Variants in CREBBP observed in about 807,000 individuals in gnomAD.
CREBBP encodes the protein CREB binding lysine acetyltransferase.
Under a neutral mutation model 265.0 loss-of-function variants are expected in CREBBP, and 19 were observed. The ratio of observed to expected loss-of-function variants is 0.07; its 90% CI spans 0.05 to 0.11. CREBBP has a LOEUF of 0.11. CREBBP is among the 10% of genes least tolerant of loss of function. The pLI is 1.00. For synonymous variants in CREBBP, 1,457 were observed against 1,223.7 expected, an observed-to-expected ratio of 1.19 and a Z score of -3.98; for missense variants, 2,525 against 3,219.0, an observed-to-expected ratio of 0.78 and a Z score of 5.22.
Position 3,735,319 on chromosome 16 carries a change from C to G in CREBBP, c.4728+717G>C, listed in dbSNP as rs73493507. Among the ~76,000 whole-genome samples the G allele has an allele frequency of 1.6e-4, 24 of 152,130 alleles. No individual in the cohort carries two copies. In the East Asian group the frequency reaches 3.9e-3, roughly 25 times the overall value. The stretch of plus-strand genomic sequence containing the variant: ...AGATGGGGTTTTGTTTGTTCTGAAA[C>G]GGAGTCTCGCACTGTCTCCTGGGCT... On this transcript the variant is annotated intron_variant, in intron 28 of 30. Coordinates refer to ENST00000262367, the MANE Select transcript of CREBBP (RefSeq NM_004380.3).
chr16:3,779,371 T>C (rs1474588634), intron 8 of CREBBP, among the ~76,000 whole-genome samples: 1 of 152,118 alleles, frequency 6.6e-6, no homozygotes, highest in Non-Finnish European at 1.5e-5. Context: ...GATGGAGTTT[T>C]ATTATGTTGC....
chr16:3,727,816 G>T lies in CREBBP; in HGVS notation c.7231C>A (p.Gln2411Lys), dbSNP rs1449896134. ...GNPEQSAMLP[Q>K]LNTPSRSALS... ...GCACTCCTGCTGGGGGTGTTCAGCT[G>T]GGGGAGCATTGCACTCTGTTCGGGG... is the stretch of plus-strand genomic sequence containing the variant. Residue 2411 changes from glutamine (Q) to lysine (K), a missense_variant, in exon 31 of 31, where the codon CAG (glutamine) becomes AAG (lysine). Physicochemically the swap from Gln to Lys is moderately conservative, Grantham distance 53. This residue lies in a region of CREBBP where 473 missense variants were observed against 459.3 expected (regional missense o/e 1.03). Coordinates refer to ENST00000262367, the MANE Select transcript of CREBBP (RefSeq NM_004380.3). 1 of 1,614,158 alleles carries T rather than the reference G, an allele frequency of 6.2e-7. No individual in the cohort carries two copies. The highest frequency in any genetic ancestry group is 8.5e-7 in the Non-Finnish European group (1 of 1,180,048).
chr16:3,761,104 A>G (rs2052707183), intron 16 of CREBBP, among the ~76,000 whole-genome samples: 1 of 151,922 alleles, frequency 6.6e-6, no homozygotes. Flanking sequence ...ACAGGCATGC[A>G]CCACCACACC....
chr16:3,744,729 G>A (rs1484201656), intron 23 of CREBBP, among the ~76,000 whole-genome samples, 165 bp downstream of exon 23: 1 of 152,118 alleles, frequency 6.6e-6, no homozygotes, highest in South Asian at 2.1e-4. Flanking sequence ...CTCTCCTTAA[G>A]GATGAGACAA....
At chr16:3,770,331 A>G (rs2052969770) in intron 14 of CREBBP, among the ~76,000 whole-genome samples, 1 of 152,106 alleles carries the variant, frequency 6.6e-6, no homozygotes, top group Admixed American at 6.6e-5. Flanking sequence ...ACAGGACTAC[A>G]GGCACACACC....
At chr16:3,798,875 T>G (rs1027688757) in intron 3 of CREBBP, among the ~76,000 whole-genome samples, 2 of 152,280 alleles carry the variant, frequency 1.3e-5, no homozygotes, top group African/African-American at 2.4e-5. Context: ...ACACGAAAAC[T>G]GTAAAAAATG....
chr16:3,799,848 C>T (rs961948342), intron 3 of CREBBP, among the ~76,000 whole-genome samples: 1 of 152,016 alleles, frequency 6.6e-6, no homozygotes, highest in Non-Finnish European at 1.5e-5. Context: ...TTTAAGGCAA[C>T]GAATTACTAA....
intron 2 of CREBBP, among the ~76,000 whole-genome samples, chr16:3,845,769 C>T (rs1460119973): frequency 6.6e-6 from 1 of 151,766 alleles, no homozygotes; most frequent in African/African-American, 2.4e-5. Context: ...CGCCTGTAGT[C>T]CCAGCTACTG....
chr16:3,833,881 C>T (rs1053931387), intron 2 of CREBBP, among the ~76,000 whole-genome samples: 3 of 152,136 alleles, frequency 2.0e-5, no homozygotes, highest in Admixed American at 6.6e-5. Flanking sequence ...GCAAGAAACA[C>T]ATCTGATAAA....
At chr16:3,754,459 A>C (rs1447389556) in intron 19 of CREBBP, among the ~76,000 whole-genome samples, 1 of 152,232 alleles carries the variant, frequency 6.6e-6, no homozygotes, top group Non-Finnish European at 1.5e-5. Flanking sequence ...CCTGGTGTGA[A>C]GGAAGCAGCT....
chr16:3,740,709 TGTTATATA>T, intron 23 of CREBBP, 160 bp from the exon 24 acceptor site: 1 of 897,340 alleles, frequency 1.1e-6, no homozygotes, highest in South Asian at 1.4e-5. Flanking sequence ...GTGACACGAG[TGTTATATA>T]AAGGAAAGGT....
chr16:3,808,585 A>G (rs1049259801), intron 3 of CREBBP, among the ~76,000 whole-genome samples: 4 of 152,230 alleles, frequency 2.6e-5, no homozygotes, highest in Non-Finnish European at 5.9e-5. Flanking sequence ...AGCATACCAC[A>G]TCTGCCAAGT....
At chr16:3,825,220 G>C (rs948111561) in intron 2 of CREBBP, among the ~76,000 whole-genome samples, 5 of 152,156 alleles carry the variant, frequency 3.3e-5, no homozygotes, top group Admixed American at 3.3e-4. Context: ...AGAGTTTCAG[G>C]TGGCTTGTTT....
intron 28 of CREBBP, among the ~76,000 whole-genome samples, chr16:3,732,202 A>T (rs950889357): frequency 3.3e-5 from 5 of 152,232 alleles, no homozygotes; most frequent in Non-Finnish European, 7.3e-5. Flanking sequence ...GTGCGAGTTC[A>T]GAAATTAACA....
chr16:3,875,637 G>A (rs1047527094), intron 1 of CREBBP, among the ~76,000 whole-genome samples: 5 of 152,330 alleles, frequency 3.3e-5, no homozygotes, highest in East Asian at 3.9e-4. Flanking sequence ...TTCCTGGGTC[G>A]ATTCAAGTAA....
chr16:3,852,434 G>C (rs1456595089), intron 1 of CREBBP, among the ~76,000 whole-genome samples: 1 of 152,044 alleles, frequency 6.6e-6, no homozygotes, highest in Non-Finnish European at 1.5e-5. Flanking sequence ...GCCTCCCAAA[G>C]TGCTGGGATT....
intron 1 of CREBBP, among the ~76,000 whole-genome samples, chr16:3,878,626 CTATTTCCACAAG>C (rs2055452288): frequency 6.6e-6 from 1 of 152,190 alleles, no homozygotes; most frequent in Non-Finnish European, 1.5e-5. Context: ...GGTCACAGAA[CTATTTCCACAAG>C]TTGAACAGCT....
At chr16:3,782,151 G>A (rs1393115335) in intron 6 of CREBBP, among the ~76,000 whole-genome samples, 1 of 152,322 alleles carries the variant, frequency 6.6e-6, no homozygotes, top group Non-Finnish European at 1.5e-5. Flanking sequence ...CGATGTGTGA[G>A]CAAACGATCA....
chr16:3,728,254 C>T lies in CREBBP; in HGVS notation c.6793G>A (p.Ala2265Thr), dbSNP rs1254686126. The T allele has an allele frequency of 6.2e-7, 1 of 1,612,704 alleles. No homozygotes were observed. Among genetic ancestry groups the T allele is most frequent in the Non-Finnish European group, 8.5e-7 (1 of 1,179,768 alleles). The change falls in exon 31 of 31, where the codon GCG becomes ACG. Residue 2265 changes from alanine (A) to threonine (T), a missense_variant. By Grantham distance (58) the Ala-to-Thr change is moderately conservative. Transcript: ENST00000262367. The surrounding 1 kb of genome is among the most constrained non-coding windows in gnomAD (Gnocchi z 8.7). The stretch of plus-strand genomic sequence containing the variant: ...TGGCCAAGCTGTCCCATCTGAGCCG[C>T]CATCTGGCCCATGGAGCTGCCCTGG... The part of the protein sequence containing the change: ...PLQGSSMGQM[A>T]AQMGQLGQMG...
Sources: gnomAD v4.1 joint callset for allele counts (sites outside exome capture counted in the v4.1 genomes callset) on GRCh38, gnomAD v4.1.1 for gene constraint, gnomAD v4.1.1 regional missense constraint, Gnocchi (gnomAD v3.1) non-coding constraint, MANE v1.5 for transcripts, NCBI Gene and HGNC (gene_info 2026-07-23, HGNC 2026-07-21) for gene names.